OPA1: variants seen among roughly 807,000 people sequenced by gnomAD.
OPA1 encodes OPA1 mitochondrial dynamin like GTPase.
In OPA1, 59 loss-of-function variants were observed where a neutral mutation model predicts 152.9. The ratio of observed to expected loss-of-function variants is 0.39; its 90% CI spans 0.31 to 0.48. OPA1 has a LOEUF of 0.48. Among genes scored for constraint, OPA1 ranks in the 20% least tolerant of loss-of-function variants. The pLI is 0.96. For synonymous variants in OPA1, 400 were observed against 389.9 expected (o/e 1.03, Z -0.31); for missense variants, 1,008 against 1,216.8 (o/e 0.83, Z 2.55).
intron 29 of OPA1, chr3:193,668,812 T>C (rs1183530287): frequency 3.5e-6 from 4 of 1,157,442 alleles, no homozygotes; most frequent in Non-Finnish European, 4.3e-6. Context: ...GGTTGTTTCT[T>C]GTAGGTTCCT....
intron 7 of OPA1, chr3:193,628,522 C>T (rs1439974272): frequency 6.6e-6 from 1 of 152,232 alleles, no homozygotes; most frequent in Non-Finnish European, 1.5e-5. Context: ...TAGCTTGTTT[C>T]TGCGGAGGAT....
At chr3:193,618,649 G>T in intron 5 of OPA1, 4 of 527,728 alleles carry the variant, frequency 7.6e-6, no homozygotes, top group Non-Finnish European at 1.3e-5. Flanking sequence ...TAATTGTTAG[G>T]TTAAACATAT....
intron 29 of OPA1, among the ~76,000 whole-genome samples, chr3:193,672,371 G>A (rs937917700): frequency 6.6e-6 from 1 of 152,170 alleles, no homozygotes; most frequent in Non-Finnish European, 1.5e-5. Context: ...CCAGTACAGT[G>A]TGGAATTATT....
In OPA1 at chr3:193,662,932, A is replaced by G. The variant is rs1197663187; in HGVS notation, c.2631A>G (p.Glu877=). The G allele has an allele frequency of 6.2e-7, 1 of 1,613,706 alleles. No individual in the cohort carries two copies. The highest frequency in any genetic ancestry group is 1.7e-5 in the Admixed American group (1 of 60,016). The change falls in exon 26 of 31, where the codon GAA becomes GAG. Residue 877 remains glutamate, a synonymous_variant. Transcript: ENST00000361510. The part of the protein sequence containing the change: ...DEITTVRKNL[E]SRGVEVDPSL... The stretch of plus-strand genomic sequence containing the variant: ...TAACCACAGTCCGGAAGAACCTTGA[A>G]TCCCGAGGAGTAGAAGTAGATCCAA...
intron 29 of OPA1, among the ~76,000 whole-genome samples, chr3:193,690,188 G>A (rs938848142): frequency 4.1e-5 from 4 of 97,210 alleles, no homozygotes; most frequent in African/African-American, 1.5e-4. Context: ...AGATGGGTTA[G>A]GATTTTTTTT....
At chr3:193,662,559 C>CA (rs2109228238) in intron 25 of OPA1, among the ~76,000 whole-genome samples, 1 of 152,232 alleles carries the variant, frequency 6.6e-6, no homozygotes, top group African/African-American at 2.4e-5. Flanking sequence ...AAAAACATTT[C>CA]AGCAAAAGTA....
At chr3:193,662,336 G>A (rs1477345778) in intron 25 of OPA1, among the ~76,000 whole-genome samples, 4 of 152,140 alleles carry the variant, frequency 2.6e-5, no homozygotes, top group African/African-American at 9.7e-5. Flanking sequence ...ATCAAGCTAT[G>A]CATTTTATAT....
At chr3:193,659,251 A>C (rs548657337) in intron 24 of OPA1, among the ~76,000 whole-genome samples, 1 of 152,236 alleles carries the variant, frequency 6.6e-6, no homozygotes, top group Non-Finnish European at 1.5e-5. Context: ...TGTGTTCGCT[A>C]CTGTACTTAT....
intron 7 of OPA1, among the ~76,000 whole-genome samples, chr3:193,630,364 A>G (rs1376624313): frequency 6.6e-6 from 1 of 152,224 alleles, no homozygotes; most frequent in Non-Finnish European, 1.5e-5. Context: ...TTAAGGAAAA[A>G]AGAAAAAAAG....
At chr3:193,641,760 A>G (rs1733815595) in intron 11 of OPA1, among the ~76,000 whole-genome samples, 1 of 152,228 alleles carries the variant, frequency 6.6e-6, no homozygotes, top group African/African-American at 2.4e-5. Flanking sequence ...AGAAGCTAGA[A>G]AGGTGTCAAT....
intron 8 of OPA1, among the ~76,000 whole-genome samples, chr3:193,634,116 C>A (rs1732543512): frequency 6.6e-6 from 1 of 151,840 alleles, no homozygotes; most frequent in African/African-American, 2.4e-5. Flanking sequence ...TTATAAAAGG[C>A]ATATTATAAG....
chr3:193,676,905 T>TGGGAG (rs1420576127), intron 29 of OPA1, among the ~76,000 whole-genome samples: 8 of 134,860 alleles, frequency 5.9e-5, no homozygotes, highest in Middle Eastern at 5.3e-3. Context: ...GGCGTGAACC[T>TGGGAG]GGGAGGCGGA....
intron 6 of OPA1, among the ~76,000 whole-genome samples, chr3:193,624,859 T>G (rs1560343445): frequency 6.6e-6 from 1 of 152,094 alleles, no homozygotes; most frequent in South Asian, 2.1e-4. Flanking sequence ...TCTAATTATA[T>G]AAAATAAAAT....
At chr3:193,677,429 T>C (rs1294482205) in intron 29 of OPA1, among the ~76,000 whole-genome samples, 2 of 152,122 alleles carry the variant, frequency 1.3e-5, no homozygotes, top group African/African-American at 2.4e-5. Flanking sequence ...GAATAAACTT[T>C]ATCTTAAGCG....
At chr3:193,676,773 G>C (rs956781340) in intron 29 of OPA1, among the ~76,000 whole-genome samples, 2 of 152,214 alleles carry the variant, frequency 1.3e-5, no homozygotes, top group African/African-American at 4.8e-5. Context: ...AAGGTCAGGA[G>C]ATCCAGACCA....
At chr3:193,642,678 G>A (rs1490536497) in intron 11 of OPA1, 87 bp from the exon 12 acceptor site, 1 of 981,374 alleles carries the variant, frequency 1.0e-6, no homozygotes, top group Non-Finnish European at 1.6e-6. Flanking sequence ...GTGCAATGCA[G>A]TAGCCCTGTC....
chr3:193,594,310 T>C (rs2108761238), intron 1 of OPA1, among the ~76,000 whole-genome samples: 1 of 152,352 alleles, frequency 6.6e-6, no homozygotes. Context: ...TAAGCAGTTG[T>C]TTTGAATTTT....
chr3:193,612,278 T>A (rs1380929052), intron 1 of OPA1, among the ~76,000 whole-genome samples: 1 of 150,556 alleles, frequency 6.6e-6, no homozygotes, highest in Non-Finnish European at 1.5e-5. Flanking sequence ...CTTTTTTTTT[T>A]TTTTTTTTTT....
chr3:193,642,677 A>T, intron 11 of OPA1, 88 bp from the exon 12 acceptor site: 1 of 966,136 alleles, frequency 1.0e-6, no homozygotes, highest in South Asian at 1.3e-5. Context: ...TGTGCAATGC[A>T]GTAGCCCTGT....
Sources: gnomAD v4.1 joint callset for allele counts (sites outside exome capture counted in the v4.1 genomes callset) on GRCh38, gnomAD v4.1.1 for gene constraint, MANE v1.5 for transcripts, NCBI Gene and HGNC (gene_info 2026-07-23, HGNC 2026-07-21) for gene names.